DENND4C: variants seen among roughly 807,000 people sequenced by gnomAD.
DENND4C encodes the protein DENN domain containing 4C, also known as DENN domain-containing protein 4C.
In DENND4C, 108 loss-of-function variants were observed where a neutral mutation model predicts 203.0. That is an observed-to-expected ratio of 0.53 (90% CI 0.46 to 0.62). DENND4C has a LOEUF of 0.62. Ranked by LOEUF, DENND4C falls within the 20% of genes least tolerant of loss-of-function variation. The probability of loss-of-function intolerance (pLI) is 0.00; values close to 1 mark genes in which losing one functional copy is unlikely to be tolerated. For synonymous variants in DENND4C, 871 were observed against 792.4 expected (o/e 1.10, Z -1.67); for missense variants, 2,481 against 2,301.2 (o/e 1.08, Z -1.60).
chr9:19,305,663 A>C, intron 10 of DENND4C, 136 bp downstream of exon 10: 2 of 790,846 alleles, frequency 2.5e-6, no homozygotes, highest in Non-Finnish European at 3.8e-6. Context: ...GCTCTCAACC[A>C]GGGCAGGTAT....
chr9:19,300,443 G>A (rs1838326831), intron 9 of DENND4C, 112 bp downstream of exon 9: 2 of 1,088,862 alleles, frequency 1.8e-6, no homozygotes, highest in Non-Finnish European at 2.4e-6. Context: ...TTAAAAAAAG[G>A]AACTTTGAAA....
intron 9 of DENND4C, 22 bp from the exon 10 acceptor site, chr9:19,305,329 AT>A: frequency 6.4e-7 from 1 of 1,573,708 alleles, no homozygotes; most frequent in South Asian, 1.2e-5. Context: ...AATTTGGTTA[AT>A]TTTTTAAAAC....
intron 22 of DENND4C, 115 bp downstream of exon 22, chr9:19,342,894 G>C: frequency 2.4e-6 from 2 of 845,950 alleles, no homozygotes; most frequent in East Asian, 6.4e-5. Context: ...TAAAGAGCCA[G>C]AAGGGACTTT....
At chr9:19,232,953 A>G (rs1424816643) in intron 1 of DENND4C, among the ~76,000 whole-genome samples, 1 of 151,982 alleles carries the variant, frequency 6.6e-6, no homozygotes, top group African/African-American at 2.4e-5. Context: ...CAAAACAAAT[A>G]CTGGTTTTGC....
At chr9:19,316,165 C>G (rs1402915604) in intron 10 of DENND4C, among the ~76,000 whole-genome samples, 1 of 152,042 alleles carries the variant, frequency 6.6e-6, no homozygotes, top group South Asian at 2.1e-4. Flanking sequence ...ATCTAGACTT[C>G]AGTGTTGTAT....
chr9:19,325,838 T>C lies in DENND4C; in HGVS notation c.1954-101T>C, dbSNP rs1327945622. On this transcript the variant is annotated intron_variant, in intron 13 of 32. Transcript: ENST00000434457. ...GTGCATGTTTTGTATCAGCTGGTACTGAAAAGGGGTAGTTTTTTTCTAAAT... is the reference window on the plus strand; with the variant it reads ...GTGCATGTTTTGTATCAGCTGGTACCGAAAAGGGGTAGTTTTTTTCTAAAT... 1.8e-5 allele frequency: 20 copies of C among 1,108,536 alleles called. 3 individuals carry two copies. The African/African-American group carries it at 2.1e-4, about 11-fold the overall frequency. The allele number at this position is 1,108,536 out of a possible 1,614,324, so 68.7% of individuals were successfully genotyped here.
rs1053250214 is a variant in DENND4C at position 19,305,009 on chromosome 9, A to G, written c.1312-343A>G. 9.2e-5 allele frequency among the ~76,000 whole-genome samples: 14 copies of G among 151,936 alleles called. 1 individual carries two copies. The highest frequency in any genetic ancestry group is 6.6e-4 in the Admixed American group (10 of 15,242). On this transcript the variant is annotated intron_variant, in intron 9 of 32. Transcript: ENST00000434457. Reference sequence around the variant, plus strand: ...ATGAAATGTGTAAGAGTTAAAGATAATAAGTTTATTTTATGATATTTGGGG... The same window carrying G: ...ATGAAATGTGTAAGAGTTAAAGATAGTAAGTTTATTTTATGATATTTGGGG...
chr9:19,278,274 T>G (rs965999054), intron 2 of DENND4C, among the ~76,000 whole-genome samples: 1 of 152,106 alleles, frequency 6.6e-6, no homozygotes, highest in African/African-American at 2.4e-5. Flanking sequence ...TAGCTAGGAT[T>G]ACAGGCGTGC....
chr9:19,292,999 A>T (rs1469999171), intron 5 of DENND4C, among the ~76,000 whole-genome samples: 3 of 152,224 alleles, frequency 2.0e-5, no homozygotes, highest in Admixed American at 6.5e-5. Context: ...AAGATAATAT[A>T]TGTAAAGTAT....
In DENND4C at chr9:19,370,170, T is replaced by A. The variant is rs1169270290; in HGVS notation, c.5675+183T>A. The A allele has an allele frequency of 6.8e-6, 5 of 738,182 alleles. No homozygotes were observed. In the African/African-American group the frequency reaches 7.2e-5, roughly 11 times the overall value. 45.7% of individuals were successfully genotyped at this position (738,182 alleles called of 1,614,324 possible). A position where few individuals can be genotyped will look rare whatever the true frequency, so the allele number is the denominator to read the frequency against. ...TGAACACAAACACATAATAAAAGTG[T>A]CTGGGGGCTTGGCACGGTGGCTCAC... On this transcript the variant is annotated intron_variant, in intron 31 of 32. Coordinates refer to ENST00000434457, the MANE Select transcript of DENND4C (RefSeq NM_001330640.2).
intron 22 of DENND4C, among the ~76,000 whole-genome samples, chr9:19,344,047 C>G (rs115616722): frequency 0.021 from 3,231 of 152,240 alleles, 124 homozygotes; most frequent in African/African-American, 0.073. Context: ...AAGAATATCT[C>G]TAAATGCTTA....
chr9:19,307,830 C>T (rs541021196), intron 10 of DENND4C, among the ~76,000 whole-genome samples: 2 of 151,266 alleles, frequency 1.3e-5, no homozygotes, highest in Admixed American at 6.6e-5. Flanking sequence ...TAGTCCTCCA[C>T]AACCATATTT....
intron 10 of DENND4C, among the ~76,000 whole-genome samples, chr9:19,310,732 G>A (rs756086797): frequency 1.3e-5 from 2 of 151,876 alleles, no homozygotes; most frequent in South Asian, 2.1e-4. Context: ...GGATGTTCAC[G>A]CACATGTGTG....
intron 9 of DENND4C, among the ~76,000 whole-genome samples, chr9:19,304,910 T>G (rs1359522688): frequency 6.9e-6 from 1 of 144,764 alleles, no homozygotes; most frequent in Admixed American, 6.8e-5. Context: ...AATAATTAGT[T>G]TTTTTTTTTT....
Position 19,256,866 on chromosome 9 carries a change from C to T in DENND4C, c.-17-19292C>T, listed in dbSNP as rs151235686. Among the ~76,000 whole-genome samples the T allele has an allele frequency of 4.1e-3, 624 of 151,682 alleles. 5 individuals carry two copies. The highest frequency in any genetic ancestry group is 5.1e-3 in the Non-Finnish European group (344 of 67,910). ...CAGGTGGATCACGAGGTCTGGAGAT[C>T]GAGACCATCCTGGCTAACATGGTGA... On this transcript the variant is annotated intron_variant, in intron 1 of 32. Coordinates refer to ENST00000434457, the MANE Select transcript of DENND4C (RefSeq NM_001330640.2).
At chr9:19,365,421 A>G (rs1242145257) in intron 30 of DENND4C, among the ~76,000 whole-genome samples, 2 of 152,172 alleles carry the variant, frequency 1.3e-5, no homozygotes, top group Non-Finnish European at 2.9e-5. Flanking sequence ...GGCATCTATG[A>G]AAATCTACAG....
chr9:19,266,485 G>A (rs1375619882), intron 1 of DENND4C, among the ~76,000 whole-genome samples: 1 of 152,086 alleles, frequency 6.6e-6, no homozygotes, highest in African/African-American at 2.4e-5. Flanking sequence ...TGTCAATTTT[G>A]GCTTTTGTTG....
intron 3 of DENND4C, 21 bp from the exon 4 acceptor site, chr9:19,288,575 A>C: frequency 2.4e-6 from 3 of 1,226,210 alleles, no homozygotes; most frequent in Non-Finnish European, 3.1e-6. Context: ...CTTTTTTATA[A>C]ACCTAATTCA....
At chr9:19,262,959 C>T (rs1483977300) in intron 1 of DENND4C, among the ~76,000 whole-genome samples, 3 of 152,210 alleles carry the variant, frequency 2.0e-5, no homozygotes, top group African/African-American at 7.2e-5. Flanking sequence ...CTAGCTAGGA[C>T]TTTCAGTACT....
Sources: allele counts gnomAD v4.1 joint callset (sites outside exome capture counted in the v4.1 genomes callset), GRCh38; gene constraint gnomAD v4.1.1; transcripts MANE v1.5; gene names NCBI Gene and HGNC (gene_info 2026-07-23, HGNC 2026-07-21).